Variants in CSMD3 observed in about 807,000 individuals in gnomAD.
CSMD3 encodes CUB and Sushi multiple domains 3.
Under a neutral mutation model 435.2 loss-of-function variants are expected in CSMD3, and 177 were observed. The observed-to-expected ratio is 0.41, with a 90% CI of 0.36 to 0.46. CSMD3 has a LOEUF of 0.46. Ranked by LOEUF, CSMD3 falls within the 20% of genes least tolerant of loss-of-function variation. CSMD3 has a pLI of 0.34. For synonymous variants in CSMD3, 1,656 were observed against 1,520.5 expected (o/e 1.09, Z -2.07); for missense variants, 4,265 against 4,504.6 (o/e 0.95, Z 1.52).
intron 3 of CSMD3, among the ~76,000 whole-genome samples, chr8:113,263,799 A>G (rs1563623313): frequency 6.6e-6 from 1 of 151,846 alleles, no homozygotes; most frequent in Non-Finnish European, 1.5e-5. Context: ...ACATTTTACA[A>G]ACTATCTTGT....
chr8:113,082,808 A>T (rs1245464887), intron 5 of CSMD3, among the ~76,000 whole-genome samples: 8 of 152,126 alleles, frequency 5.3e-5, no homozygotes, highest in African/African-American at 1.2e-4. Context: ...GAATAAAATT[A>T]AAAAATACAA....
At chr8:112,717,156 T>C (rs2131949662) in intron 13 of CSMD3, among the ~76,000 whole-genome samples, 1 of 152,202 alleles carries the variant, frequency 6.6e-6, no homozygotes, top group Non-Finnish European at 1.5e-5. Context: ...GAGAAATTTT[T>C]TGCAATCTAT....
chr8:112,716,561 G>A (rs1188577225), intron 13 of CSMD3, among the ~76,000 whole-genome samples: 1 of 151,804 alleles, frequency 6.6e-6, no homozygotes, highest in African/African-American at 2.4e-5. Context: ...TTCACATAAT[G>A]ACAAAAAGAA....
At chr8:112,586,045 C>G (rs903742677) in intron 23 of CSMD3, among the ~76,000 whole-genome samples, 1 of 151,510 alleles carries the variant, frequency 6.6e-6, no homozygotes. Flanking sequence ...TTGTATACAT[C>G]TAGATACATT....
At chr8:112,765,241 T>C (rs183554406) in intron 13 of CSMD3, among the ~76,000 whole-genome samples, 4 of 151,722 alleles carry the variant, frequency 2.6e-5, no homozygotes, top group Non-Finnish European at 5.9e-5. Flanking sequence ...GGGATGATTT[T>C]TAATTGTCAG....
chr8:112,666,151 G>T, intron 17 of CSMD3, 126 bp downstream of exon 17: 1 of 778,500 alleles, frequency 1.3e-6, no homozygotes, highest in Non-Finnish European at 2.2e-6. Context: ...ACAGATGGAA[G>T]CATTCAAAGC....
At chr8:112,271,328 T>G (rs939246916) in intron 59 of CSMD3, among the ~76,000 whole-genome samples, 3 of 152,228 alleles carry the variant, frequency 2.0e-5, no homozygotes, top group Admixed American at 1.3e-4. Flanking sequence ...TGATATAATT[T>G]TGCAGAATTC....
chr8:113,306,384 T>C (rs570959636), intron 2 of CSMD3, among the ~76,000 whole-genome samples: 1 of 152,254 alleles, frequency 6.6e-6, no homozygotes, highest in East Asian at 1.9e-4. Flanking sequence ...TTAGGAAAAC[T>C]TGGAGATAGA....
chr8:113,003,357 T>A (rs951371994), intron 6 of CSMD3, among the ~76,000 whole-genome samples: 1 of 152,134 alleles, frequency 6.6e-6, no homozygotes, highest in African/African-American at 2.4e-5. Flanking sequence ...TTCAAAATAT[T>A]GATCATTTAT....
chr8:112,867,759 G>A (rs987706411), intron 10 of CSMD3, among the ~76,000 whole-genome samples: 2 of 152,238 alleles, frequency 1.3e-5, no homozygotes, highest in South Asian at 4.1e-4. Context: ...CATGAATAGA[G>A]TTTGCAGGAT....
intron 31 of CSMD3, among the ~76,000 whole-genome samples, chr8:112,480,685 C>G (rs1027839787): frequency 6.6e-6 from 1 of 152,088 alleles, no homozygotes; most frequent in East Asian, 1.9e-4. Context: ...TCACCTTCCA[C>G]CATGATTGGA....
At chr8:113,022,591 A>G (rs974658550) in intron 5 of CSMD3, among the ~76,000 whole-genome samples, 1 of 151,702 alleles carries the variant, frequency 6.6e-6, no homozygotes, top group South Asian at 2.1e-4. Flanking sequence ...TTGTTTTAAT[A>G]TATTTTCCAT....
intron 1 of CSMD3, among the ~76,000 whole-genome samples, chr8:113,410,454 G>A (rs1277157806): frequency 6.6e-6 from 1 of 151,990 alleles, no homozygotes; most frequent in Non-Finnish European, 1.5e-5. Flanking sequence ...TGCCTTTGGT[G>A]TTGTACATCT....
intron 36 of CSMD3, among the ~76,000 whole-genome samples, chr8:112,389,132 T>C (rs1206790963): frequency 6.6e-6 from 1 of 152,194 alleles, no homozygotes; most frequent in Non-Finnish European, 1.5e-5. Flanking sequence ...ACTATGAGAC[T>C]GGCTCTATTA....
chr8:112,494,576 C>CT (rs1821148191), intron 30 of CSMD3, among the ~76,000 whole-genome samples: 1 of 120,568 alleles, frequency 8.3e-6, no homozygotes, highest in East Asian at 2.4e-4. Context: ...TCTTTCTTTT[C>CT]TTTCTTTCTC....
chr8:112,828,777 T>C (rs978725183), intron 12 of CSMD3, among the ~76,000 whole-genome samples: 3 of 152,236 alleles, frequency 2.0e-5, no homozygotes, highest in South Asian at 4.1e-4. Flanking sequence ...CCAAATCATG[T>C]TGATCAATGA....
At chr8:113,232,898 C>T (rs189155618) in intron 3 of CSMD3, among the ~76,000 whole-genome samples, 16 of 151,892 alleles carry the variant, frequency 1.1e-4, no homozygotes, top group East Asian at 3.9e-4. Context: ...TTTAATGTTT[C>T]GTAACATTAT....
At chr8:113,222,749 T>A (rs143099796) in intron 3 of CSMD3, among the ~76,000 whole-genome samples, 1 of 151,092 alleles carries the variant, frequency 6.6e-6, no homozygotes, top group Non-Finnish European at 1.5e-5. Flanking sequence ...ATTGACCTTT[T>A]TATTTTAATC....
At chr8:112,911,916 G>C (rs1301465315) in intron 10 of CSMD3, among the ~76,000 whole-genome samples, 2 of 126,080 alleles carry the variant, frequency 1.6e-5, no homozygotes, top group Admixed American at 9.3e-5. Context: ...ATATCTTTAT[G>C]AGGCATGAAT....
Sources: allele counts gnomAD v4.1 joint callset (sites outside exome capture counted in the v4.1 genomes callset), GRCh38; gene constraint gnomAD v4.1.1; transcripts MANE v1.5; gene names NCBI Gene and HGNC (gene_info 2026-07-23, HGNC 2026-07-21).